The following REPS1 variants were observed in gnomAD, a reference collection of about 807,000 sequenced individuals.
The protein encoded by REPS1 is RALBP1 associated Eps domain containing 1, also known as ralBP1-associated Eps domain-containing protein 1.
Under a neutral mutation model 100.9 loss-of-function variants are expected in REPS1, and 39 were observed. The observed-to-expected ratio is 0.39, with a 90% CI of 0.30 to 0.50. The LOEUF is 0.50. REPS1 is among the 20% of genes least tolerant of loss of function. The pLI, the probability that REPS1 is intolerant of heterozygous loss-of-function variation, is 0.86. For synonymous variants in REPS1, 324 were observed against 340.3 expected, an observed-to-expected ratio of 0.95 and a Z score of 0.53; for missense variants, 821 against 968.5, an observed-to-expected ratio of 0.85 and a Z score of 2.02.
At chr6:138,962,447 G>C (rs1258440654) in intron 1 of REPS1, among the ~76,000 whole-genome samples, 2 of 151,820 alleles carry the variant, frequency 1.3e-5, no homozygotes, top group Non-Finnish European at 2.9e-5. Context: ...ATAAGATCTT[G>C]TTATCTGGCA....
chr6:138,922,569 A>G (rs73561619), intron 10 of REPS1, among the ~76,000 whole-genome samples: 13,369 of 152,166 alleles, frequency 0.088, 1,228 homozygotes, highest in African/African-American at 0.23. Flanking sequence ...AGGTGTACCT[A>G]GGACACAGTA....
chr6:138,958,417 G>A (rs1273945919), intron 1 of REPS1, among the ~76,000 whole-genome samples: 1 of 152,126 alleles, frequency 6.6e-6, no homozygotes, highest in Non-Finnish European at 1.5e-5. Context: ...ATGGCAGAAC[G>A]TGCAGGTTTG....
At chr6:138,940,108 C>T (rs1370008096) in intron 8 of REPS1, among the ~76,000 whole-genome samples, 1 of 152,180 alleles carries the variant, frequency 6.6e-6, no homozygotes, top group Non-Finnish European at 1.5e-5. Context: ...ATTCAGATTA[C>T]TGACTCCAAG....
intron 12 of REPS1, among the ~76,000 whole-genome samples, chr6:138,917,855 G>T (rs1464694582): frequency 6.6e-6 from 1 of 152,078 alleles, no homozygotes; most frequent in African/African-American, 2.4e-5. Flanking sequence ...AAAAAATAAT[G>T]AATACTTAAT....
intron 8 of REPS1, among the ~76,000 whole-genome samples, 164 bp downstream of exon 8, chr6:138,941,171 T>G (rs2128470925): frequency 6.6e-6 from 1 of 152,332 alleles, no homozygotes; most frequent in Middle Eastern, 3.4e-3. Context: ...TAAGACAAAT[T>G]CAAGCTTGGC....
intron 10 of REPS1, 125 bp from the exon 11 acceptor site, chr6:138,921,249 T>C: frequency 1.6e-6 from 1 of 609,188 alleles, no homozygotes. Flanking sequence ...AAGGCAGGCA[T>C]GAAAATAAGC....
intron 1 of REPS1, among the ~76,000 whole-genome samples, chr6:138,956,184 T>C (rs985625782): frequency 1.3e-5 from 2 of 152,062 alleles, no homozygotes; most frequent in African/African-American, 4.8e-5. Flanking sequence ...GGACTCTCAT[T>C]ATAATGACAG....
chr6:138,921,110 A>T lies in REPS1; in HGVS notation c.1353T>A (p.Val451=), dbSNP rs1346100137. ...IAPADPDTAI[V]HPVPIRMTPS... ...GAGTCATACGAATGGGAACTGGATGAACAATAGCAGTATCCTAGAGACAAA... is the reference window on the plus strand; with the variant it reads ...GAGTCATACGAATGGGAACTGGATGTACAATAGCAGTATCCTAGAGACAAA... Residue 451 remains valine (V), a synonymous_variant, in exon 11 of 20, where the codon GTT becomes GTA. Coordinates refer to ENST00000450536, the MANE Select transcript of REPS1 (RefSeq NM_001286611.2). 4.4e-6 allele frequency: 7 copies of T among 1,607,316 alleles called. No homozygotes were observed. The highest frequency in any genetic ancestry group is 6.0e-6 in the Non-Finnish European group (7 of 1,174,550).
intron 1 of REPS1, among the ~76,000 whole-genome samples, chr6:138,955,390 G>A (rs1351616464): frequency 6.7e-6 from 1 of 149,750 alleles, no homozygotes; most frequent in East Asian, 2.0e-4. Flanking sequence ...CCAGACTGCA[G>A]TGAGCTAGGA....
intron 1 of REPS1, among the ~76,000 whole-genome samples, chr6:138,978,537 C>G (rs1784733083): frequency 6.6e-6 from 1 of 151,784 alleles, no homozygotes; most frequent in African/African-American, 2.4e-5. Context: ...CTCAAACTCC[C>G]GGGCTCAAGT....
intron 17 of REPS1, among the ~76,000 whole-genome samples, chr6:138,909,547 C>T (rs1779873311): frequency 2.0e-5 from 3 of 152,124 alleles, no homozygotes. Flanking sequence ...GGCTCGGTGT[C>T]CCCAGATCTC....
In REPS1 at chr6:138,911,382, A is replaced by G. The variant is rs748773834; in HGVS notation, c.1972-11T>C. On this transcript the variant is annotated splice_polypyrimidine_tract_variant and intron_variant, in intron 16 of 19. Coordinates refer to ENST00000450536, the MANE Select transcript of REPS1 (RefSeq NM_001286611.2). Reference sequence around the variant, plus strand: ...AGAAGCTTTTTCAGCCTAAAAATGAATATGTTTATCACTATTAATTCTACA... The same window carrying G: ...AGAAGCTTTTTCAGCCTAAAAATGAGTATGTTTATCACTATTAATTCTACA... The G allele has an allele frequency of 9.0e-6, 14 of 1,557,154 alleles. No individual in the cohort carries two copies. Among genetic ancestry groups the G allele is most frequent in the Non-Finnish European group, 1.2e-5 (13 of 1,128,468 alleles).
chr6:138,956,092 G>GC (rs1012017085), intron 1 of REPS1, among the ~76,000 whole-genome samples: 1 of 152,094 alleles, frequency 6.6e-6, no homozygotes, highest in Admixed American at 6.6e-5. Flanking sequence ...CTGATGGAAA[G>GC]CCTTCTAAAA....
At chr6:138,982,004 TTGAC>T (rs896174000) in intron 1 of REPS1, among the ~76,000 whole-genome samples, 5 of 152,102 alleles carry the variant, frequency 3.3e-5, no homozygotes, top group Non-Finnish European at 5.9e-5. Flanking sequence ...CAGAAACACA[TTGAC>T]TGTGACTTCT....
chr6:138,972,929 G>C (rs982482557), intron 1 of REPS1, among the ~76,000 whole-genome samples: 1 of 152,162 alleles, frequency 6.6e-6, no homozygotes, highest in Admixed American at 6.5e-5. Context: ...GGCTAGGCTA[G>C]CACCCATCAA....
intron 1 of REPS1, among the ~76,000 whole-genome samples, chr6:138,958,317 T>C (rs1783526753): frequency 6.6e-6 from 1 of 152,234 alleles, no homozygotes; most frequent in Non-Finnish European, 1.5e-5. Flanking sequence ...TGCTTTTTAT[T>C]GTTAAGTTCT....
intron 1 of REPS1, among the ~76,000 whole-genome samples, chr6:138,971,199 T>C (rs1784322663): frequency 6.6e-6 from 1 of 152,204 alleles, no homozygotes; most frequent in Non-Finnish European, 1.5e-5. Context: ...AATTCTTTAG[T>C]GTTCTGAATG....
At chr6:138,969,891 T>G (rs1037904566) in intron 1 of REPS1, among the ~76,000 whole-genome samples, 1 of 121,426 alleles carries the variant, frequency 8.2e-6, no homozygotes, top group Admixed American at 8.6e-5. Context: ...TTTTAGTAAG[T>G]ACCTCATCTC....
At chr6:138,969,269 A>ACTTTTTTTTTTTTTTTTTT (rs1784186039) in intron 1 of REPS1, among the ~76,000 whole-genome samples, 1 of 74,258 alleles carries the variant, frequency 1.3e-5, no homozygotes, top group Non-Finnish European at 2.6e-5. Context: ...CAAAGCTGTA[A>ACTTTTTTTTTTTTTTTTTT]TTTTTTTTTT....
Sources: gnomAD v4.1 joint callset for allele counts (sites outside exome capture counted in the v4.1 genomes callset) on GRCh38, gnomAD v4.1.1 for gene constraint, MANE v1.5 for transcripts, NCBI Gene and HGNC (gene_info 2026-07-23, HGNC 2026-07-21) for gene names.